CDH23: variants seen among roughly 807,000 people sequenced by gnomAD.
CDH23 encodes cadherin-23.
CDH23 carries 189 observed loss-of-function variants against 317.1 expected under a neutral mutation model. That is an observed-to-expected ratio of 0.60 (90% CI 0.53 to 0.67). CDH23 has a LOEUF of 0.67. Among genes scored for constraint, CDH23 ranks in the 30% least tolerant of loss-of-function variants. The pLI is 0.00. For synonymous variants in CDH23, 1,839 were observed against 1,876.8 expected (o/e 0.98, Z 0.52); for missense variants, 4,401 against 4,592.4 (o/e 0.96, Z 1.20).
chr10:71,499,177 G>C lies in CDH23; in HGVS notation c.146-10905G>C, dbSNP rs183747144. Reference sequence around the variant, plus strand: ...GAAAGACAAATGTCGCATGTTCTCAGTCACGTGTGGGAGCTTAAAAAGTGG... The same window carrying C: ...GAAAGACAAATGTCGCATGTTCTCACTCACGTGTGGGAGCTTAAAAAGTGG... On this transcript the variant is annotated intron_variant, in intron 3 of 69. Transcript: ENST00000224721. Among the ~76,000 whole-genome samples the C allele has an allele frequency of 7.1e-3, 1,076 of 152,288 alleles. 19 individuals are homozygous for C. The highest frequency in any genetic ancestry group is 0.031 in the Middle Eastern group (9 of 294).
intron 11 of CDH23, among the ~76,000 whole-genome samples, chr10:71,643,248 A>G (rs1862652094): frequency 2.6e-5 from 4 of 152,168 alleles, no homozygotes; most frequent in Admixed American, 1.3e-4. Context: ...TCCTGGGGAA[A>G]GAGACCCAGG....
intron 11 of CDH23, among the ~76,000 whole-genome samples, chr10:71,642,135 C>A (rs1297942605): frequency 6.6e-6 from 1 of 152,000 alleles, no homozygotes; most frequent in Non-Finnish European, 1.5e-5. Flanking sequence ...TCATTCCTAA[C>A]ACCAGCTCAG....
At chr10:71,761,576 G>A in intron 38 of CDH23, 1 of 1,548,598 alleles carries the variant, frequency 6.5e-7, no homozygotes, top group East Asian at 2.3e-5. Context: ...ACGCCAGGCT[G>A]TCACGTGCAG....
Position 71,617,245 on chromosome 10 carries a change from C to G in CDH23, c.986C>G (p.Thr329Arg), listed in dbSNP as rs1482351441. ...LNDDRTPSDA[T>R]VTTTFNILVI... ...GATGACCGCACCCCATCTGACGCTA[C>G]AGTCACCACGACCTTCAATATCCTG... The change falls in exon 11 of 70, where the codon ACA (threonine) becomes AGA (arginine). Residue 329 changes from threonine (T) to arginine (R), a missense_variant. Around this residue, in one of 3 missense-constraint regions of CDH23, gnomAD observed 3,068 missense variants for 3,203.3 expected, o/e 0.96. Coordinates refer to ENST00000224721, the MANE Select transcript of CDH23 (RefSeq NM_022124.6). The G allele has an allele frequency of 6.2e-6, 10 of 1,613,890 alleles. No homozygotes were observed. The highest frequency in any genetic ancestry group is 8.5e-6 in the Non-Finnish European group (10 of 1,179,902).
intron 3 of CDH23, among the ~76,000 whole-genome samples, chr10:71,505,829 C>T (rs1431857725): frequency 2.0e-5 from 3 of 152,190 alleles, no homozygotes; most frequent in Non-Finnish European, 4.4e-5. Flanking sequence ...TTGGCAGTTC[C>T]TCAATAATTT....
At chr10:71,545,474 C>G (rs559793038) in intron 6 of CDH23, among the ~76,000 whole-genome samples, 2 of 152,182 alleles carry the variant, frequency 1.3e-5, no homozygotes, top group Admixed American at 1.3e-4. Context: ...TAAGGAGACC[C>G]GATGCTTACC....
chr10:71,446,171 G>C (rs115501448), intron 2 of CDH23, 147 bp from the exon 3 acceptor site: 1 of 754,190 alleles, frequency 1.3e-6, no homozygotes, highest in Non-Finnish European at 2.3e-6. Context: ...CTTGAGGCAG[G>C]ATAGTGACTT....
intron 40 of CDH23, 100 bp downstream of exon 40, chr10:71,778,408 G>A (rs774870000): frequency 8.7e-5 from 126 of 1,445,074 alleles, no homozygotes; most frequent in Admixed American, 1.6e-4. Context: ...AAGATTGTCT[G>A]AGGGAAATGC....
chr10:71,807,997 C>A lies in CDH23; in HGVS notation c.8712C>A (p.Val2904=). The stretch of plus-strand genomic sequence containing the variant: ...ACGACTCTGAAGATGTGGGCCAGGT[C>A]TTCACCATGGGTAGGGCCTGGCAGC... ...LANDSEDVGQ[V]FTMGSMDGIL... The change falls in exon 60 of 70, where the codon GTC becomes GTA. Residue 2904 remains valine (V), a synonymous_variant. Coordinates refer to ENST00000224721, the MANE Select transcript of CDH23 (RefSeq NM_022124.6). 6.3e-7 allele frequency: 1 copy of A among 1,587,602 alleles called. No individual in the cohort carries two copies. The highest frequency in any genetic ancestry group is 1.1e-5 in the South Asian group (1 of 87,094).
intron 14 of CDH23, among the ~76,000 whole-genome samples, chr10:71,673,996 A>G (rs934977608): frequency 6.6e-6 from 1 of 152,144 alleles, no homozygotes; most frequent in African/African-American, 2.4e-5. Flanking sequence ...GCGGGGACAG[A>G]GGTCTGCACC....
intron 22 of CDH23, among the ~76,000 whole-genome samples, chr10:71,697,134 C>T (rs1441316184): frequency 6.6e-6 from 1 of 152,222 alleles, no homozygotes; most frequent in African/African-American, 2.4e-5. Context: ...GTACACCCGG[C>T]AGACAAGGCG....
At chr10:71,402,910 A>G (rs1173738814) in intron 1 of CDH23, among the ~76,000 whole-genome samples, 1 of 152,160 alleles carries the variant, frequency 6.6e-6, no homozygotes, top group African/African-American at 2.4e-5. Context: ...AGGTCAGCAG[A>G]TCGAGACCAT....
At chr10:71,700,735 C>G (rs144700764) in intron 22 of CDH23, among the ~76,000 whole-genome samples, 7 of 152,168 alleles carry the variant, frequency 4.6e-5, no homozygotes, top group African/African-American at 7.2e-5. Context: ...GAAGGAGAAG[C>G]CTGCCTAGGG....
chr10:71,797,387 G>C (rs1002634752), intron 49 of CDH23, among the ~76,000 whole-genome samples, 167 bp downstream of exon 49: 36 of 152,168 alleles, frequency 2.4e-4, no homozygotes, highest in Admixed American at 2.2e-3. Flanking sequence ...GGCAGCCACC[G>C]TGAGGCCCAG....
intron 28 of CDH23, among the ~76,000 whole-genome samples, chr10:71,718,097 G>A (rs1866369002): frequency 1.3e-5 from 2 of 152,276 alleles, no homozygotes; most frequent in African/African-American, 2.4e-5. Flanking sequence ...TCATGAGGGT[G>A]GGGGATAGCA....
Position 71,811,313 on chromosome 10 carries a change from A to G in CDH23, c.9078-2A>G. On this transcript the variant is annotated splice_acceptor_variant, in intron 62 of 69. Coordinates refer to ENST00000224721, the MANE Select transcript of CDH23 (RefSeq NM_022124.6). LOFTEE classifies it high-confidence loss of function. ...GAGCTGAGACCCCTGCCCCTCGCCC[A>G]GGGTGATCCAGATGATCGATGAGAA... 6.2e-7 allele frequency: 1 copy of G among 1,613,796 alleles called. No homozygotes were observed. Among genetic ancestry groups the G allele is most frequent in the Non-Finnish European group, 8.5e-7 (1 of 1,179,836 alleles).
intron 6 of CDH23, among the ~76,000 whole-genome samples, chr10:71,519,084 G>A (rs563729784): frequency 3.3e-5 from 5 of 152,292 alleles, no homozygotes; most frequent in African/African-American, 1.2e-4. Context: ...TTTCCTCGCC[G>A]ATTCTAGCTG....
At chr10:71,411,814 A>T (rs184556204) in intron 1 of CDH23, among the ~76,000 whole-genome samples, 2 of 152,334 alleles carry the variant, frequency 1.3e-5, no homozygotes, top group East Asian at 1.9e-4. Context: ...AATGTACATA[A>T]CATAAAATTT....
At chr10:71,534,838 T>TG (rs1855608195) in intron 6 of CDH23, among the ~76,000 whole-genome samples, 1 of 147,770 alleles carries the variant, frequency 6.8e-6, no homozygotes, top group Admixed American at 6.6e-5. Context: ...GCAAGGCTTG[T>TG]GGGGATCTGT....
Sources: gnomAD v4.1 joint callset for allele counts (sites outside exome capture counted in the v4.1 genomes callset) on GRCh38, gnomAD v4.1.1 for gene constraint, gnomAD v4.1.1 regional missense constraint, MANE v1.5 for transcripts, NCBI Gene and HGNC (gene_info 2026-07-23, HGNC 2026-07-21) for gene names.